IMMP2L: variants seen among roughly 807,000 people sequenced by gnomAD.
IMMP2L encodes mitochondrial inner membrane protease subunit 2.
Under a neutral mutation model 19.3 loss-of-function variants are expected in IMMP2L, and 18 were observed. That is an observed-to-expected ratio of 0.93 (90% CI 0.64 to 1.38). The LOEUF is 1.38. IMMP2L is among the 40% of genes most tolerant of loss of function. The probability of loss-of-function intolerance (pLI) is 0.00; values close to 1 mark genes in which losing one functional copy is unlikely to be tolerated. For missense variants in IMMP2L, 233 were observed against 218.2 expected (o/e 1.07, Z -0.43); for synonymous variants, 76 against 73.0 (o/e 1.04, Z -0.21).
intron 3 of IMMP2L, among the ~76,000 whole-genome samples, chr7:111,424,197 T>C (rs914413810): frequency 6.6e-6 from 1 of 151,862 alleles, no homozygotes; most frequent in Non-Finnish European, 1.5e-5. Context: ...GAACCTGATT[T>C]ACGGTAAGGT....
At chr7:111,278,158 G>C (rs1562999858) in intron 3 of IMMP2L, among the ~76,000 whole-genome samples, 2 of 152,064 alleles carry the variant, frequency 1.3e-5, no homozygotes, top group Non-Finnish European at 2.9e-5. Flanking sequence ...TACACTGAAA[G>C]CCCAGACTTC....
intron 3 of IMMP2L, among the ~76,000 whole-genome samples, chr7:111,122,135 A>G (rs1295589780): frequency 1.3e-5 from 2 of 151,858 alleles, no homozygotes; most frequent in African/African-American, 4.8e-5. Flanking sequence ...TGACGAGTTA[A>G]TGGGTGCAGC....
intron 3 of IMMP2L, among the ~76,000 whole-genome samples, chr7:111,416,316 T>C (rs1041694906): frequency 1.3e-5 from 2 of 151,882 alleles, no homozygotes; most frequent in African/African-American, 2.4e-5. Context: ...TAATGATATG[T>C]CATAGCAGTT....
chr7:111,111,220 T>C lies in IMMP2L; in HGVS notation c.240-147655A>G, dbSNP rs559869247. Among the ~76,000 whole-genome samples the C allele has an allele frequency of 5.9e-5, 9 of 151,504 alleles. No individual in the cohort carries two copies. In the East Asian group the frequency reaches 1.7e-3, roughly 29 times the overall value. On this transcript the variant is annotated intron_variant, in intron 3 of 5. Coordinates refer to ENST00000405709, the MANE Select transcript of IMMP2L (RefSeq NM_032549.4). ...CTCCATTAAGATTTAGAACTCCCTT[T>C]GGTGCTCTAGTCATGTACAACCTTG...
intron 3 of IMMP2L, among the ~76,000 whole-genome samples, chr7:111,071,237 A>C (rs1327237718): frequency 6.6e-6 from 1 of 152,132 alleles, no homozygotes; most frequent in Non-Finnish European, 1.5e-5. Context: ...AAAAATAAAG[A>C]CTACTGGTAA....
chr7:111,444,408 C>G (rs934466338), intron 3 of IMMP2L, among the ~76,000 whole-genome samples: 1 of 152,006 alleles, frequency 6.6e-6, no homozygotes, highest in Admixed American at 6.6e-5. Flanking sequence ...GGACAAGTTT[C>G]TTAACCTCTC....
chr7:110,662,711 C>T lies in IMMP2L; in HGVS notation c.*891G>A, dbSNP rs140877228. Among the ~76,000 whole-genome samples the T allele has an allele frequency of 4.0e-3, 603 of 152,274 alleles. 5 individuals are homozygous for T. Among genetic ancestry groups the T allele is most frequent in the African/African-American group, 0.014 (572 of 41,544 alleles). On this transcript the variant is annotated 3_prime_UTR_variant, in exon 6 of 6. Transcript: ENST00000405709. ...ACTCTATGATTCTACTGTAACTTTG[C>T]AATTGGTGATTTCAGTATTACAGAC...
chr7:111,450,487 G>A (rs1839022863), intron 3 of IMMP2L, among the ~76,000 whole-genome samples: 1 of 151,868 alleles, frequency 6.6e-6, no homozygotes, highest in African/African-American at 2.4e-5. Context: ...AAACGGTGCT[G>A]GGAAAACTGG....
Position 111,476,968 on chromosome 7 carries a change from T to C in IMMP2L, c.239+10270A>G, listed in dbSNP as rs138547010. Among the ~76,000 whole-genome samples, 204 of 152,282 alleles carry C rather than the reference T, an allele frequency of 1.3e-3. 2 individuals carry two copies. Among genetic ancestry groups the C allele is most frequent in the African/African-American group, 4.7e-3 (197 of 41,564 alleles). On this transcript the variant is annotated intron_variant, in intron 3 of 5. Transcript: ENST00000405709. ...ATTTACATCTGTCCCTTTGGCAATG[T>C]AAAGTAACTTATTCATGGATATATC...
chr7:111,403,323 G>T (rs1833632670), intron 3 of IMMP2L, among the ~76,000 whole-genome samples: 1 of 151,800 alleles, frequency 6.6e-6, no homozygotes, highest in African/African-American at 2.4e-5. Context: ...CACCATGATT[G>T]TAAGTTTCCT....
At chr7:111,008,414 T>G (rs1824537401) in intron 3 of IMMP2L, among the ~76,000 whole-genome samples, 1 of 152,016 alleles carries the variant, frequency 6.6e-6, no homozygotes, top group African/African-American at 2.4e-5. Context: ...CCAGATATCT[T>G]CATGGTTCCC....
At chr7:111,220,819 G>A (rs1013481968) in intron 3 of IMMP2L, among the ~76,000 whole-genome samples, 3 of 151,934 alleles carry the variant, frequency 2.0e-5, no homozygotes, top group African/African-American at 7.3e-5. Context: ...ATTCCAGTAT[G>A]AGTCTGAAGG....
intron 3 of IMMP2L, among the ~76,000 whole-genome samples, chr7:111,018,786 TTTTATTATTATTATTA>T (rs1169518270): frequency 1.3e-4 from 15 of 116,450 alleles, no homozygotes; most frequent in African/African-American, 5.1e-4. Flanking sequence ...TTGTGTGTCT[TTTTATTATTATTATTA>T]TTATTATTAT....
intron 3 of IMMP2L, among the ~76,000 whole-genome samples, chr7:111,315,665 A>G (rs1019061014): frequency 2.6e-5 from 4 of 151,988 alleles, no homozygotes; most frequent in Non-Finnish European, 5.9e-5. Context: ...GTAGTCTTTC[A>G]GTAATGAATG....
In IMMP2L at chr7:111,449,209, T is replaced by G. The variant is rs1217079400; in HGVS notation, c.239+38029A>C. Reference sequence around the variant, plus strand: ...AGGGAATCCTCCCTAACTCATTTTATGAGGCCAGCATCATTCTGATACCAA... The same window carrying G: ...AGGGAATCCTCCCTAACTCATTTTAGGAGGCCAGCATCATTCTGATACCAA... On this transcript the variant is annotated intron_variant, in intron 3 of 5. Coordinates refer to ENST00000405709, the MANE Select transcript of IMMP2L (RefSeq NM_032549.4). 5.5e-4 allele frequency among the ~76,000 whole-genome samples: 80 copies of G among 145,846 alleles called. No homozygotes were observed. In the South Asian group the frequency reaches 0.015, roughly 27 times the overall value.
intron 3 of IMMP2L, among the ~76,000 whole-genome samples, chr7:111,167,226 T>C (rs907553918): frequency 1.3e-5 from 2 of 152,094 alleles, no homozygotes; most frequent in Admixed American, 6.6e-5. Flanking sequence ...CTTTAGATCT[T>C]TCCTCTGATT....
intron 5 of IMMP2L, among the ~76,000 whole-genome samples, chr7:110,753,165 C>CT (rs1797832992): frequency 2.0e-5 from 3 of 151,950 alleles, no homozygotes; most frequent in African/African-American, 7.2e-5. Context: ...AACTCCATTG[C>CT]TTTTTTGTAA....
intron 3 of IMMP2L, among the ~76,000 whole-genome samples, chr7:111,007,100 G>C (rs1038198231): frequency 6.6e-6 from 1 of 152,070 alleles, no homozygotes; most frequent in Non-Finnish European, 1.5e-5. Flanking sequence ...ACATGGCTGG[G>C]GAGGCCTCAG....
chr7:110,976,535 T>G (rs2129557354), intron 3 of IMMP2L, among the ~76,000 whole-genome samples: 1 of 152,212 alleles, frequency 6.6e-6, no homozygotes, highest in South Asian at 2.1e-4. Flanking sequence ...AAATGGCAAC[T>G]GAGATTTTAA....
Sources: gnomAD v4.1 joint callset for allele counts (sites outside exome capture counted in the v4.1 genomes callset) on GRCh38, gnomAD v4.1.1 for gene constraint, MANE v1.5 for transcripts, NCBI Gene and HGNC (gene_info 2026-07-23, HGNC 2026-07-21) for gene names.